GRIP1: variants seen among roughly 807,000 people sequenced by gnomAD.
GRIP1 encodes the protein glutamate receptor interacting protein 1.
In GRIP1, 45 loss-of-function variants were observed where a neutral mutation model predicts 129.9. The observed-to-expected ratio is 0.35, with a 90% confidence interval of 0.27 to 0.44. GRIP1 has a LOEUF of 0.44. GRIP1 is among the 20% of genes least tolerant of loss of function. The pLI is 1.00. For synonymous variants in GRIP1, 530 were observed against 520.8 expected, an observed-to-expected ratio of 1.02 and a Z score of -0.24; for missense variants, 1,196 against 1,396.8, an observed-to-expected ratio of 0.86 and a Z score of 2.29.
chr12:66,942,805 T>C (rs1241390780), intron 1 of GRIP1, among the ~76,000 whole-genome samples: 6 of 152,148 alleles, frequency 3.9e-5, no homozygotes, highest in Non-Finnish European at 5.9e-5. Flanking sequence ...TGGGAGGTGA[T>C]TAGGTCATGA....
intron 4 of GRIP1, among the ~76,000 whole-genome samples, chr12:66,531,252 A>AAAAAT (rs1565833708): frequency 5.1e-5 from 1 of 19,468 alleles, no homozygotes; most frequent in Admixed American, 7.3e-4. Context: ...AAAAAAAAAA[A>AAAAAT]ATATATATAT....
At chr12:66,747,937 C>CAT (rs996755326) in intron 1 of GRIP1, among the ~76,000 whole-genome samples, 1 of 151,940 alleles carries the variant, frequency 6.6e-6, no homozygotes, top group Non-Finnish European at 1.5e-5. Context: ...ATTATTTATG[C>CAT]ATATATATAA....
intron 1 of GRIP1, among the ~76,000 whole-genome samples, chr12:66,610,478 T>C (rs1474398401): frequency 6.6e-6 from 1 of 152,114 alleles, no homozygotes; most frequent in East Asian, 1.9e-4. Context: ...AGTGACTTCT[T>C]ATGGAGCCCT....
At chr12:66,455,367 G>GT (rs764900647) in intron 11 of GRIP1, 42 bp downstream of exon 11, 14 of 1,601,838 alleles carry the variant, frequency 8.7e-6, no homozygotes, top group South Asian at 5.5e-5. Flanking sequence ...TTGCCCACAG[G>GT]TTTTTTCCAG....
intron 1 of GRIP1, among the ~76,000 whole-genome samples, chr12:66,980,979 C>T (rs2042235133): frequency 1.3e-5 from 2 of 152,180 alleles, no homozygotes; most frequent in African/African-American, 4.8e-5. Context: ...TAGCTGAATC[C>T]CTTCTGCAAA....
In GRIP1 at chr12:66,896,764, C is replaced by A. The variant is rs796884675; in HGVS notation, c.58+172286G>T. On this transcript the variant is annotated intron_variant, in intron 1 of 1. Transcript: ENST00000643019. Reference sequence around the variant, plus strand: ...AGCTGTTTTTAGAATCAAGAGAGTTCTAAGTTAACCAGCCATAATAAATTC... The same window carrying A: ...AGCTGTTTTTAGAATCAAGAGAGTTATAAGTTAACCAGCCATAATAAATTC... Among the ~76,000 whole-genome samples, 92 of 152,266 alleles carry A rather than the reference C, an allele frequency of 6.0e-4. 1 individual carries two copies. The highest frequency in any genetic ancestry group is 2.0e-3 in the African/African-American group (85 of 41,548).
At chr12:66,634,359 C>A (rs2031146847) in intron 1 of GRIP1, among the ~76,000 whole-genome samples, 1 of 152,212 alleles carries the variant, frequency 6.6e-6, no homozygotes, top group Admixed American at 6.5e-5. Flanking sequence ...TATTACTTGG[C>A]AATTTTAGTG....
At chr12:66,611,442 A>AT (rs1647760587) in intron 1 of GRIP1, among the ~76,000 whole-genome samples, 1 of 152,210 alleles carries the variant, frequency 6.6e-6, no homozygotes, top group Admixed American at 6.5e-5. Context: ...AGCAACTTGC[A>AT]TAATTAGACC....
At position 66,555,113 on chromosome 12, in the gene GRIP1, G is replaced by A. The variant is rs146248340; in HGVS notation, c.137-13163C>T. Among the ~76,000 whole-genome samples the A allele has an allele frequency of 8.0e-4, 122 of 152,270 alleles. 2 individuals are homozygous for A. In the East Asian group the frequency reaches 0.017, roughly 21 times the overall value. On this transcript the variant is annotated intron_variant, in intron 2 of 24. Coordinates refer to ENST00000359742, the MANE Select transcript of GRIP1 (RefSeq NM_001366722.1). ...TTAGGTGAGACCCACTGCTGTGCTG[G>A]CTTCAGGTCTGACCCAGTGCAGTCC... is the stretch of plus-strand genomic sequence containing the variant.
intron 1 of GRIP1, among the ~76,000 whole-genome samples, chr12:66,714,976 A>C (rs1250586627): frequency 6.6e-6 from 1 of 151,738 alleles, no homozygotes; most frequent in African/African-American, 2.4e-5. Flanking sequence ...CATCCAACCC[A>C]TCAGTCAAAT....
intron 1 of GRIP1, among the ~76,000 whole-genome samples, chr12:66,945,957 T>C (rs956656684): frequency 1.1e-4 from 16 of 152,168 alleles, no homozygotes; most frequent in Non-Finnish European, 2.1e-4. Flanking sequence ...ATTTTTTTCA[T>C]GAACCTCAGC....
chr12:66,679,433 T>C (rs1376687094), upstream of GRIP1, among the ~76,000 whole-genome samples: 1 of 71,184 alleles, frequency 1.4e-5, no homozygotes, highest in African/African-American at 7.3e-5. Context: ...CTATGTTCTT[T>C]AAACAACAAC....
chr12:66,580,921 A>G (rs1311227824), intron 2 of GRIP1, among the ~76,000 whole-genome samples: 46 of 152,254 alleles, frequency 3.0e-4, no homozygotes, highest in Middle Eastern at 3.4e-3. Flanking sequence ...ATAGACATCT[A>G]CAGAACTCTC....
chr12:66,366,172 A>C (rs957580847), intron 23 of GRIP1, among the ~76,000 whole-genome samples: 2 of 152,230 alleles, frequency 1.3e-5, no homozygotes, highest in African/African-American at 4.8e-5. Context: ...GAGAAAGTTG[A>C]AGCCTGGCAT....
intron 1 of GRIP1, among the ~76,000 whole-genome samples, chr12:66,913,518 C>T (rs945615854): frequency 3.3e-5 from 5 of 152,158 alleles, no homozygotes; most frequent in African/African-American, 9.6e-5. Context: ...CTGAAATTAA[C>T]CTTAAAACAT....
chr12:66,925,743 C>T (rs1194696615), intron 1 of GRIP1, among the ~76,000 whole-genome samples: 1 of 152,164 alleles, frequency 6.6e-6, no homozygotes, highest in Non-Finnish European at 1.5e-5. Flanking sequence ...CTCCCCGGTT[C>T]AAGGGATTCT....
At chr12:66,553,343 T>C (rs1021184239) in intron 2 of GRIP1, among the ~76,000 whole-genome samples, 3 of 151,970 alleles carry the variant, frequency 2.0e-5, no homozygotes, top group Non-Finnish European at 4.4e-5. Context: ...CCTCCTTCCC[T>C]CTCCCTCCCT....
chr12:67,029,436 A>G (rs781275984), intron 1 of GRIP1, among the ~76,000 whole-genome samples: 5 of 152,078 alleles, frequency 3.3e-5, no homozygotes, highest in Non-Finnish European at 7.4e-5. Flanking sequence ...AAAACTGGTC[A>G]AGCATGGTGG....
chr12:66,961,876 T>C (rs1238558153), intron 1 of GRIP1, among the ~76,000 whole-genome samples: 2 of 152,162 alleles, frequency 1.3e-5, no homozygotes, highest in African/African-American at 4.8e-5. Flanking sequence ...AACGAACAAA[T>C]ATATTGCTAA....
Sources: allele counts gnomAD v4.1 joint callset (sites outside exome capture counted in the v4.1 genomes callset), GRCh38; gene constraint gnomAD v4.1.1; transcripts MANE v1.5; gene names NCBI Gene and HGNC (gene_info 2026-07-23, HGNC 2026-07-21).